RDH14: variants seen among roughly 807,000 people sequenced by gnomAD.
RDH14 encodes the protein retinol dehydrogenase 14, also known as alcohol dehydrogenase PAN2.
In RDH14, 17 loss-of-function variants were observed where a neutral mutation model predicts 19.3. The observed-to-expected ratio is 0.88, with a 90% CI of 0.60 to 1.32. The LOEUF (loss-of-function observed/expected upper bound fraction) is 1.32, where lower values mean the gene tolerates loss of function less well. RDH14 is among the 40% of genes most tolerant of loss of function. RDH14 has a pLI of 0.00. For missense variants in RDH14, 534 were observed against 449.2 expected, an observed-to-expected ratio of 1.19 and a Z score of -1.71; for synonymous variants, 215 against 188.9, an observed-to-expected ratio of 1.14 and a Z score of -1.13.
intron 1 of RDH14, among the ~76,000 whole-genome samples, chr2:18,559,280 T>G (rs1422125660): frequency 6.6e-6 from 1 of 152,232 alleles, no homozygotes; most frequent in Non-Finnish European, 1.5e-5. Flanking sequence ...TATGTGGAAT[T>G]ACTTACCATT....
rs951037479 is a variant in RDH14, at chr2:18,560,592, C to G, written c.-20G>C. 2.8e-6 allele frequency: 4 copies of G among 1,412,172 alleles called. No individual in the cohort carries two copies. Among genetic ancestry groups the G allele is most frequent in the South Asian group, 3.1e-5 (2 of 65,552 alleles). 87.5% of individuals were successfully genotyped at this position (1,412,172 alleles called of 1,614,324 possible). On this transcript the variant is annotated 5_prime_UTR_variant, in exon 1 of 2. Transcript: ENST00000381249. Reference sequence around the variant, plus strand: ...TGCCATCGTCAGGCCCGAGGGCCCACCGGCCCCTCCACGGGAGTTCCGCAG... The same window carrying G: ...TGCCATCGTCAGGCCCGAGGGCCCAGCGGCCCCTCCACGGGAGTTCCGCAG...
rs771077753 is a variant in RDH14, at chr2:18,555,141, C to G, written c.*50G>C. On this transcript the variant is annotated 3_prime_UTR_variant, in exon 2 of 2. Transcript: ENST00000381249. ...TCTCAATCCACACCATTCCTGATCA[C>G]AGATATAACTGATATGCAGTTTTAT... 1.3e-6 allele frequency: 2 copies of G among 1,578,502 alleles called. No homozygotes were observed. Among genetic ancestry groups the G allele is most frequent in the South Asian group, 1.2e-5 (1 of 84,480 alleles).
rs1276692190 is a variant in RDH14 at position 18,560,521 on chromosome 2, A to T, written c.52T>A (p.Trp18Arg). 6.6e-7 allele frequency: 1 copy of T among 1,510,056 alleles called. No homozygotes were observed. The highest frequency in any genetic ancestry group is 8.8e-7 in the Non-Finnish European group (1 of 1,137,302). 93.5% of individuals were successfully genotyped at this position (1,510,056 alleles called of 1,614,324 possible). Reference sequence around the variant, plus strand: ...CCCACGAACCGGCGGGCCGCCAGCCACAGCGCCCCGCCCAGAGCGGCCAGT... The same window carrying T: ...CCCACGAACCGGCGGGCCGCCAGCCTCAGCGCCCCGCCCAGAGCGGCCAGT... ...AVLAALGGAL[W>R]LAARRFVGPR... is the part of the protein sequence containing the mutation. The change falls in exon 1 of 2, where the codon TGG becomes AGG. Residue 18 changes from tryptophan (W) to arginine (R), a missense_variant. Physicochemically the swap from Trp to Arg is moderately radical, Grantham distance 101. Transcript: ENST00000381249.
intron 1 of RDH14, 66 bp from the exon 2 acceptor site, chr2:18,555,874 T>G: frequency 6.6e-7 from 1 of 1,505,216 alleles, no homozygotes; most frequent in Non-Finnish European, 8.9e-7. Context: ...CTTTTTCTGT[T>G]CATGATAATT....
Position 18,555,173 on chromosome 2 carries a change from C to CTCTT in RDH14, c.*14_*17dup, listed in dbSNP as rs1553322820. 4 of 1,606,810 alleles carry CTCTT rather than the reference C, an allele frequency of 2.5e-6. No individual in the cohort carries two copies. The African/African-American group carries it at 5.4e-5, about 22-fold the overall frequency. ...AACTGATATGCAGTTTTATAAACAG[C>CTCTT]TCTTTTACTCCTTGTTCCTATTTTA... On this transcript the variant is annotated 3_prime_UTR_variant, in exon 2 of 2. Coordinates refer to ENST00000381249, the MANE Select transcript of RDH14 (RefSeq NM_020905.4).
rs1558355018 is a variant in RDH14, at chr2:18,555,657, G to C, written c.545C>G (p.Ser182Ter). ...TNLLLGLLKSSAPSRIVVVSS... is the reference protein window; with the variant it reads ...TNLLLGLLKS ...AACTACCACAATCCTGCTGGGAGCT[G>C]AACTTTTGAGGAGTCCAAGGAGAAG... The change falls in exon 2 of 2, where the codon TCA becomes TGA. Residue 182 changes from serine (S) to a stop codon, truncating the protein, a stop_gained. Coordinates refer to ENST00000381249, the MANE Select transcript of RDH14 (RefSeq NM_020905.4). LOFTEE classifies it high-confidence loss of function. The C allele has an allele frequency of 1.9e-6, 3 of 1,614,068 alleles. No homozygotes were observed. Among genetic ancestry groups the C allele is most frequent in the Non-Finnish European group, 1.7e-6 (2 of 1,179,960 alleles).
chr2:18,555,324 G>A lies in RDH14; in HGVS notation c.878C>T (p.Pro293Leu). The change falls in exon 2 of 2, where the codon CCT (proline) becomes CTT (leucine). Residue 293 changes from proline (P) to leucine (L), a missense_variant. Pro to Leu is a moderately conservative substitution (Grantham distance 98). Coordinates refer to ENST00000381249, the MANE Select transcript of RDH14 (RefSeq NM_020905.4). Reference protein sequence around the residue: ...AQTSIYLASSPEVEGVSGRYF... With the variant: ...AQTSIYLASSLEVEGVSGRYF... ...TCTTCCTGACACTCCTTCTACCTCA[G>A]GTGAAGAGGCCAAATAAATGGAAGT... is the stretch of plus-strand genomic sequence containing the variant. The A allele has an allele frequency of 3.1e-6, 5 of 1,614,040 alleles. No homozygotes were observed. Among genetic ancestry groups the A allele is most frequent in the Non-Finnish European group, 4.2e-6 (5 of 1,179,986 alleles).
At chr2:18,560,117 C>T in intron 1 of RDH14, 63 bp downstream of exon 1, 2 of 1,482,174 alleles carry the variant, frequency 1.3e-6, no homozygotes, top group Non-Finnish European at 1.8e-6. Flanking sequence ...AGCCCCAGCC[C>T]GCAGTCCCCT....
At chr2:18,560,069 G>A (rs1178806735) in intron 1 of RDH14, 111 bp downstream of exon 1, 12 of 1,223,076 alleles carry the variant, frequency 9.8e-6, no homozygotes, top group Non-Finnish European at 1.2e-5. Flanking sequence ...CGGTTCCCAA[G>A]GTGACACCCT....
In RDH14 at chr2:18,560,613, C is replaced by G; in HGVS notation, c.-41G>C. 7.2e-7 allele frequency: 1 copy of G among 1,386,508 alleles called. No homozygotes were observed. The highest frequency in any genetic ancestry group is 9.3e-7 in the Non-Finnish European group (1 of 1,080,390). 85.9% of individuals were successfully genotyped at this position (1,386,508 alleles called of 1,614,324 possible). ...CCCACCGGCCCCTCCACGGGAGTTC[C>G]GCAGCCGCCGCCTTACCGGAACCCA... On this transcript the variant is annotated 5_prime_UTR_variant, in exon 1 of 2. Transcript: ENST00000381249.
rs1186963154 is a variant in RDH14, at chr2:18,560,303, C to G, written c.270G>C (p.Glu90Asp). ...AEEAAGQLRR[E>D]LRQAAECGPE... ...GGCCGCACTCCGCGGCCTGGCGGAGCTCGCGGCGGAGCTGACCCGCCGCCT... is the reference window on the plus strand; with the variant it reads ...GGCCGCACTCCGCGGCCTGGCGGAGGTCGCGGCGGAGCTGACCCGCCGCCT... The change falls in exon 1 of 2, where the codon GAG becomes GAC. Residue 90 changes from glutamate (E) to aspartate (D), a missense_variant. By Grantham distance (45) the Glu-to-Asp change is conservative. Transcript: ENST00000381249. 1 of 1,476,570 alleles carries G rather than the reference C, an allele frequency of 6.8e-7. No individual in the cohort carries two copies. The highest frequency in any genetic ancestry group is 8.9e-7 in the Non-Finnish European group (1 of 1,123,004). The allele number at this position is 1,476,570 out of a possible 1,614,324, so 91.5% of individuals were successfully genotyped here.
At chr2:18,555,942 T>A in intron 1 of RDH14, 134 bp from the exon 2 acceptor site, 1 of 1,420,100 alleles carries the variant, frequency 7.0e-7, no homozygotes, top group Non-Finnish European at 9.3e-7. Flanking sequence ...GTTGTTGGTC[T>A]ATCGATCAGA....
chr2:18,557,597 A>AAT (rs1663957825), intron 1 of RDH14, among the ~76,000 whole-genome samples: 1 of 152,206 alleles, frequency 6.6e-6, no homozygotes. Flanking sequence ...CTACGAGATA[A>AAT]ATGAAATAAA....
Position 18,555,136 on chromosome 2 carries a change from G to A in RDH14, c.*55C>T. The A allele has an allele frequency of 6.4e-7, 1 of 1,570,922 alleles. No individual in the cohort carries two copies. Among genetic ancestry groups the A allele is most frequent in the Non-Finnish European group, 8.6e-7 (1 of 1,159,188 alleles). On this transcript the variant is annotated 3_prime_UTR_variant, in exon 2 of 2. Transcript: ENST00000381249. Reference sequence around the variant, plus strand: ...CAAGTTCTCAATCCACACCATTCCTGATCACAGATATAACTGATATGCAGT... The same window carrying A: ...CAAGTTCTCAATCCACACCATTCCTAATCACAGATATAACTGATATGCAGT...
At chr2:18,560,149 C>A (rs1421715033) in intron 1 of RDH14, 31 bp downstream of exon 1, 8 of 1,518,080 alleles carry the variant, frequency 5.3e-6, no homozygotes, top group South Asian at 2.4e-5. Context: ...CCCAGGCCCT[C>A]CCCACCAGCC....
intron 1 of RDH14, 146 bp from the exon 2 acceptor site, chr2:18,555,954 A>T: frequency 1.5e-6 from 2 of 1,327,582 alleles, no homozygotes. Context: ...TCGATCAGAG[A>T]ACTACTTGAA....
intron 1 of RDH14, among the ~76,000 whole-genome samples, chr2:18,557,191 G>A (rs569905153): frequency 3.2e-4 from 43 of 134,612 alleles, no homozygotes; most frequent in Non-Finnish European, 4.7e-4. Flanking sequence ...GCCTTTTCTC[G>A]GTTGTTCTGT....
At chr2:18,556,347 G>T (rs1005343254) in intron 1 of RDH14, among the ~76,000 whole-genome samples, 4 of 152,090 alleles carry the variant, frequency 2.6e-5, no homozygotes, top group African/African-American at 9.7e-5. Flanking sequence ...ATATCAATTT[G>T]GGAGTTATCA....
intron 1 of RDH14, 67 bp from the exon 2 acceptor site, chr2:18,555,875 C>A: frequency 6.7e-7 from 1 of 1,503,078 alleles, no homozygotes; most frequent in South Asian, 1.4e-5. Context: ...TTTTTCTGTT[C>A]ATGATAATTA....
Sources: allele counts gnomAD v4.1 joint callset (sites outside exome capture counted in the v4.1 genomes callset), GRCh38; gene constraint gnomAD v4.1.1; transcripts MANE v1.5; gene names NCBI Gene and HGNC (gene_info 2026-07-23, HGNC 2026-07-21).